The following VTI1A variants were observed in gnomAD, a reference collection of about 807,000 sequenced individuals.
VTI1A encodes the protein vesicle transport through interaction with t-SNAREs homolog 1A.
In VTI1A, 22 loss-of-function variants were observed where a neutral mutation model predicts 34.9. The ratio of observed to expected loss-of-function variants is 0.63; its 90% confidence interval spans 0.45 to 0.90. The LOEUF (loss-of-function observed/expected upper bound fraction) is 0.90. VTI1A is among the 40% of genes least tolerant of loss of function. VTI1A has a pLI of 0.00. For missense variants in VTI1A, 268 were observed against 275.6 expected (o/e 0.97, Z 0.20); for synonymous variants, 87 against 97.3 (o/e 0.89, Z 0.62).
chr10:112,447,193 T>TC (rs1846860035), upstream of VTI1A: 3 of 589,520 alleles, frequency 5.1e-6, no homozygotes, highest in Non-Finnish European at 5.9e-6. Context: ...CAACCCAATT[T>TC]CCGGAGAACC....
chr10:112,681,647 G>A (rs969281393), intron 7 of VTI1A, among the ~76,000 whole-genome samples: 1 of 152,050 alleles, frequency 6.6e-6, no homozygotes, highest in East Asian at 1.9e-4. Flanking sequence ...TCTTTTCACT[G>A]GTTGTGCCCC....
chr10:112,752,300 C>G, intron 7 of VTI1A: 2 of 931,600 alleles, frequency 2.1e-6, no homozygotes, highest in Non-Finnish European at 2.6e-6. Context: ...GTCCCCTTCT[C>G]TGTTGTCATA....
intron 7 of VTI1A, among the ~76,000 whole-genome samples, chr10:112,779,474 G>GTCCTC (rs912586166): frequency 5.6e-4 from 86 of 152,274 alleles, no homozygotes; most frequent in African/African-American, 2.0e-3. Context: ...AAGAGAGATT[G>GTCCTC]TCCTCTCTTT....
At chr10:112,836,343 C>T in the VTI1A span, among the ~76,000 whole-genome samples, 84 of 152,270 alleles carry the variant, frequency 5.5e-4, no homozygotes, top group African/African-American at 1.9e-3. Flanking sequence ...AAGATCCTTC[C>T]TTGGTTATAT....
intron 5 of VTI1A, among the ~76,000 whole-genome samples, chr10:112,611,533 A>T (rs984062072): frequency 2.0e-5 from 3 of 152,158 alleles, no homozygotes; most frequent in African/African-American, 4.8e-5. Context: ...GGTGAGGTTC[A>T]GTGGGAAGCT....
At chr10:112,561,047 A>G (rs1300600487) in intron 5 of VTI1A, among the ~76,000 whole-genome samples, 1 of 152,134 alleles carries the variant, frequency 6.6e-6, no homozygotes, top group Non-Finnish European at 1.5e-5. Context: ...GAAATTCTTA[A>G]TACATTCAAG....
Position 112,511,993 on chromosome 10 carries a change from T to C in VTI1A, c.265-15094T>C, listed in dbSNP as rs117111728. 8.9e-3 allele frequency among the ~76,000 whole-genome samples: 1,355 copies of C among 152,288 alleles called. 13 individuals carry two copies. The highest frequency in any genetic ancestry group is 0.014 in the Non-Finnish European group (978 of 68,026). ...GATGAACACTTAGGTTGATGCCATA[T>C]CTTTGCTTGTGAGTAGTGCTACAAT... On this transcript the variant is annotated intron_variant, in intron 3 of 7. Coordinates refer to ENST00000393077, the MANE Select transcript of VTI1A (RefSeq NM_145206.4).
chr10:112,617,223 A>G (rs1845542442), intron 5 of VTI1A, among the ~76,000 whole-genome samples: 1 of 152,244 alleles, frequency 6.6e-6, no homozygotes, highest in Admixed American at 6.5e-5. Context: ...GCCACAAGAC[A>G]GTAAATAGTA....
At chr10:112,464,313 A>T (rs1275917870) in intron 2 of VTI1A, among the ~76,000 whole-genome samples, 1 of 152,240 alleles carries the variant, frequency 6.6e-6, no homozygotes. Flanking sequence ...TATATGTTTT[A>T]ACAAAGCATG....
intron 7 of VTI1A, among the ~76,000 whole-genome samples, chr10:112,787,703 T>C (rs28360833): frequency 3.8e-4 from 28 of 74,444 alleles, no homozygotes; most frequent in Non-Finnish European, 6.7e-4. Flanking sequence ...CTTTTCTTTT[T>C]TTTTTTTTTT....
chr10:112,582,267 A>G (rs1843979416), intron 5 of VTI1A, among the ~76,000 whole-genome samples: 1 of 152,106 alleles, frequency 6.6e-6, no homozygotes, highest in South Asian at 2.1e-4. Flanking sequence ...GCAGACCTCG[A>G]TCCCATGACC....
At chr10:112,759,684 T>C (rs1480020997) in intron 7 of VTI1A, among the ~76,000 whole-genome samples, 1 of 152,160 alleles carries the variant, frequency 6.6e-6, no homozygotes, top group African/African-American at 2.4e-5. Context: ...AATTCCGTTT[T>C]ATTGGTTCAA....
At position 112,483,729 on chromosome 10, in the gene VTI1A, A is replaced by T. The variant is rs1164444781; in HGVS notation, c.264+19072A>T. Among the ~76,000 whole-genome samples the T allele has an allele frequency of 2.6e-5, 4 of 152,292 alleles. No homozygotes were observed. In the East Asian group the frequency reaches 7.7e-4, roughly 29 times the overall value. On this transcript the variant is annotated intron_variant, in intron 3 of 7. Transcript: ENST00000393077. ...CAAATATCCCGTTGGGGGCAAAATT[A>T]TCCCTGGTTGAGAGCCACTCAGTCT...
chr10:112,724,395 A>G (rs1370471775), intron 7 of VTI1A, among the ~76,000 whole-genome samples: 1 of 151,756 alleles, frequency 6.6e-6, no homozygotes, highest in Non-Finnish European at 1.5e-5. Flanking sequence ...TACTGTTGGT[A>G]CTTGTTTTGG....
At chr10:112,738,779 A>G (rs1008586954) in intron 7 of VTI1A, among the ~76,000 whole-genome samples, 1 of 152,210 alleles carries the variant, frequency 6.6e-6, no homozygotes, top group African/African-American at 2.4e-5. Flanking sequence ...CTTTCAGTAC[A>G]GCCCAAGAGT....
chr10:112,706,798 C>A (rs186703408), intron 7 of VTI1A, among the ~76,000 whole-genome samples: 2 of 152,296 alleles, frequency 1.3e-5, no homozygotes, highest in Non-Finnish European at 2.9e-5. Context: ...CTCACCCCTC[C>A]CTGTCACGCA....
intron 7 of VTI1A, among the ~76,000 whole-genome samples, chr10:112,776,523 C>T (rs147855940): frequency 1.3e-5 from 2 of 152,166 alleles, no homozygotes; most frequent in East Asian, 1.9e-4. Context: ...GACATCCATC[C>T]GTCTATCCGG....
chr10:112,826,243 G>A, the VTI1A span: 1 of 152,190 alleles, frequency 6.6e-6, no homozygotes, highest in Non-Finnish European at 1.5e-5. Flanking sequence ...CCAAGCCAGA[G>A]ATTTAGAAAC....
chr10:112,809,356 C>T (rs1179236557), intron 7 of VTI1A, among the ~76,000 whole-genome samples: 1 of 152,172 alleles, frequency 6.6e-6, no homozygotes, highest in Non-Finnish European at 1.5e-5. Context: ...TCCCTTGGCC[C>T]ATGTTTTGGG....
Sources: gnomAD v4.1 joint callset for allele counts (sites outside exome capture counted in the v4.1 genomes callset) on GRCh38, gnomAD v4.1.1 for gene constraint, MANE v1.5 for transcripts, NCBI Gene and HGNC (gene_info 2026-07-23, HGNC 2026-07-21) for gene names.